The following MOB3B variants were observed in gnomAD, a reference collection of about 807,000 sequenced individuals.
MOB3B encodes MOB kinase activator 3B, also known as MOB kinase activator-like 2B.
A neutral mutation model predicts 18.7 loss-of-function variants in MOB3B; 7 were observed. The observed-to-expected ratio is 0.37, with a 90% CI of 0.21 to 0.70. The LOEUF (loss-of-function observed/expected upper bound fraction) is 0.70, where lower values mean the gene tolerates loss of function less well. Ranked by LOEUF, MOB3B falls within the 30% of genes least tolerant of loss-of-function variation. The pLI, the probability that MOB3B is intolerant of heterozygous loss-of-function variation, is 0.52. For synonymous variants in MOB3B, 111 were observed against 99.9 expected (o/e 1.11, Z -0.66); for missense variants, 253 against 281.3 (o/e 0.90, Z 0.72).
At chr9:27,355,042 T>TAAG (rs1821165983) in intron 3 of MOB3B, among the ~76,000 whole-genome samples, 1 of 152,206 alleles carries the variant, frequency 6.6e-6, no homozygotes, top group South Asian at 2.1e-4. Flanking sequence ...GCCATATATC[T>TAAG]TGCTCAAGTT....
At chr9:27,429,982 G>A (rs1822394348) in intron 2 of MOB3B, among the ~76,000 whole-genome samples, 3 of 152,180 alleles carry the variant, frequency 2.0e-5, no homozygotes, top group Non-Finnish European at 2.9e-5. Flanking sequence ...CGAATGCAAC[G>A]AAGTTCTATG....
At chr9:27,355,851 C>A (rs564421232) in intron 3 of MOB3B, among the ~76,000 whole-genome samples, 239 of 152,240 alleles carry the variant, frequency 1.6e-3, no homozygotes, top group Middle Eastern at 3.4e-3. Context: ...AATATCTGAG[C>A]AACTTGAGTT....
At chr9:27,437,571 TA>T (rs1016133633) in intron 2 of MOB3B, among the ~76,000 whole-genome samples, 6 of 152,170 alleles carry the variant, frequency 3.9e-5, no homozygotes, top group Admixed American at 3.3e-4. Flanking sequence ...TGATGGACAT[TA>T]AAAAAATCCA....
chr9:27,472,746 A>G (rs1345385572), intron 1 of MOB3B, among the ~76,000 whole-genome samples: 1 of 151,522 alleles, frequency 6.6e-6, no homozygotes, highest in Non-Finnish European at 1.5e-5. Flanking sequence ...TTATATAAGC[A>G]CCAGATGATT....
At chr9:27,494,979 G>A (rs938867323) in intron 1 of MOB3B, among the ~76,000 whole-genome samples, 11 of 152,164 alleles carry the variant, frequency 7.2e-5, no homozygotes, top group African/African-American at 2.7e-4. Flanking sequence ...TGCTGATGCT[G>A]CTAGTCTGTG....
chr9:27,466,506 T>A (rs543930182), intron 1 of MOB3B, among the ~76,000 whole-genome samples: 16 of 152,314 alleles, frequency 1.1e-4, no homozygotes, highest in African/African-American at 3.6e-4. Context: ...TTTTCGGGTA[T>A]CTTTTCAGCA....
intron 3 of MOB3B, among the ~76,000 whole-genome samples, chr9:27,341,199 A>G (rs1222197360): frequency 6.6e-6 from 1 of 152,236 alleles, no homozygotes; most frequent in Non-Finnish European, 1.5e-5. Flanking sequence ...AGTTTTATTT[A>G]TTCTGACAGA....
intron 3 of MOB3B, among the ~76,000 whole-genome samples, chr9:27,336,209 A>G (rs16911416): frequency 0.057 from 8,615 of 152,266 alleles, 271 homozygotes; most frequent in East Asian, 0.11. Context: ...CAGTGTAACA[A>G]TAATGATTTA....
Position 27,359,378 on chromosome 9 carries a change from T to TGGG in MOB3B, c.419-145_419-143dup, listed in dbSNP as rs1344684348. On this transcript the variant is annotated intron_variant, in intron 2 of 3. Coordinates refer to ENST00000262244, the MANE Select transcript of MOB3B (RefSeq NM_024761.5). Reference sequence around the variant, plus strand: ...AGGAGTCATAGGGAGTGTGTGTGTGTGGGGGGGGGGGGTTGGTAGCAAACT... The same window carrying TGGG: ...AGGAGTCATAGGGAGTGTGTGTGTGTGGGGGGGGGGGGGGGTTGGTAGCAAACT... 6.3e-4 allele frequency: 175 copies of TGGG among 278,672 alleles called. 3 individuals carry two copies. The highest frequency in any genetic ancestry group is 9.5e-4 in the Non-Finnish European group (137 of 144,764). The allele number at this position is 278,672 out of a possible 1,614,324, so 17.3% of individuals were successfully genotyped here.
intron 2 of MOB3B, among the ~76,000 whole-genome samples, chr9:27,430,793 T>C (rs1408557765): frequency 6.6e-6 from 1 of 152,134 alleles, no homozygotes; most frequent in Non-Finnish European, 1.5e-5. Context: ...TTTTAAAGTA[T>C]TTTCTGTGAA....
chr9:27,405,054 T>C (rs1821945680), intron 2 of MOB3B, among the ~76,000 whole-genome samples: 1 of 151,180 alleles, frequency 6.6e-6, no homozygotes, highest in South Asian at 2.1e-4. Context: ...TAGCCATTTG[T>C]ATGTCTTCTT....
intron 3 of MOB3B, among the ~76,000 whole-genome samples, chr9:27,354,965 C>T (rs1587150513): frequency 6.6e-6 from 1 of 152,276 alleles, no homozygotes; most frequent in East Asian, 1.9e-4. Context: ...CGTGACTAAC[C>T]CATTTAATTT....
intron 1 of MOB3B, among the ~76,000 whole-genome samples, chr9:27,469,799 T>G (rs1445801636): frequency 6.6e-6 from 1 of 152,020 alleles, no homozygotes; most frequent in Non-Finnish European, 1.5e-5. Flanking sequence ...CCCCCTCCCT[T>G]TTCGTGCCAG....
At chr9:27,444,208 A>AG in intron 2 of MOB3B, among the ~76,000 whole-genome samples, 8 of 105,974 alleles carry the variant, frequency 7.5e-5, no homozygotes, top group Non-Finnish European at 1.6e-4. Context: ...AGAAAAAGAA[A>AG]GAAAGAAAGA....
intron 1 of MOB3B, among the ~76,000 whole-genome samples, chr9:27,497,194 G>A (rs1264203598): frequency 2.0e-5 from 3 of 152,136 alleles, no homozygotes; most frequent in Non-Finnish European, 4.4e-5. Context: ...CTTTGTGGAG[G>A]TTACTTTAAA....
intron 2 of MOB3B, among the ~76,000 whole-genome samples, chr9:27,367,439 G>T (rs1821356377): frequency 6.6e-6 from 1 of 152,226 alleles, no homozygotes; most frequent in South Asian, 2.1e-4. Context: ...TGTCACTGGG[G>T]GTTTAGGACA....
intron 1 of MOB3B, among the ~76,000 whole-genome samples, chr9:27,471,168 C>T (rs1054304885): frequency 6.6e-6 from 1 of 152,140 alleles, no homozygotes; most frequent in Non-Finnish European, 1.5e-5. Context: ...GACTCTGCTG[C>T]TCTCCAGGAT....
Position 27,430,267 on chromosome 9 carries a change from G to A in MOB3B, c.418+24866C>T, listed in dbSNP as rs7046304. Among the ~76,000 whole-genome samples the A allele has an allele frequency of 1.8e-3, 271 of 152,274 alleles. 1 individual carries two copies. The highest frequency in any genetic ancestry group is 6.4e-3 in the African/African-American group (265 of 41,552). ...AGGCTTTTCTTTCCTGTGCTGCAGG[G>A]ATGGTGCTCTCCGGCAGCCTCTCAT... On this transcript the variant is annotated intron_variant, in intron 2 of 3. Transcript: ENST00000262244.
At chr9:27,434,985 T>C (rs1822476051) in intron 2 of MOB3B, among the ~76,000 whole-genome samples, 1 of 152,126 alleles carries the variant, frequency 6.6e-6, no homozygotes, top group South Asian at 2.1e-4. Flanking sequence ...CAGGCAGAGC[T>C]CTGAAAAGTC....
Sources: allele counts gnomAD v4.1 joint callset (sites outside exome capture counted in the v4.1 genomes callset), GRCh38; gene constraint gnomAD v4.1.1; transcripts MANE v1.5; gene names NCBI Gene and HGNC (gene_info 2026-07-23, HGNC 2026-07-21).